The following MACROD2 variants were observed in gnomAD, a reference collection of about 807,000 sequenced individuals.
MACROD2 encodes mono-ADP ribosylhydrolase 2, also known as ADP-ribose glycohydrolase MACROD2.
Under a neutral mutation model 70.4 loss-of-function variants are expected in MACROD2, and 36 were observed. The observed-to-expected ratio is 0.51, with a 90% CI of 0.39 to 0.68. The LOEUF (loss-of-function observed/expected upper bound fraction) is 0.68. MACROD2 is among the 30% of genes least tolerant of loss of function. The probability of loss-of-function intolerance (pLI) is 0.00; values close to 1 mark genes in which losing one functional copy is unlikely to be tolerated. For missense variants in MACROD2, 496 were observed against 538.4 expected (o/e 0.92, Z 0.78); for synonymous variants, 172 against 178.8 (o/e 0.96, Z 0.30).
intron 8 of MACROD2, among the ~76,000 whole-genome samples, chr20:15,676,077 A>G (rs1232041289): frequency 6.6e-6 from 1 of 152,146 alleles, no homozygotes; most frequent in East Asian, 1.9e-4. Context: ...TATTTCCTGT[A>G]CTCACTCATG....
intron 8 of MACROD2, among the ~76,000 whole-genome samples, chr20:15,558,246 C>A (rs1223925510): frequency 6.6e-6 from 1 of 152,174 alleles, no homozygotes; most frequent in Admixed American, 6.5e-5. Flanking sequence ...AGTGGCCATT[C>A]CATTCTGATT....
At chr20:15,442,467 G>A (rs956173587) in intron 7 of MACROD2, among the ~76,000 whole-genome samples, 6 of 152,176 alleles carry the variant, frequency 3.9e-5, no homozygotes, top group East Asian at 1.9e-4. Flanking sequence ...ATGCCTTCCC[G>A]AAGGTATTGG....
chr20:15,343,642 A>C (rs2078133561), intron 6 of MACROD2, among the ~76,000 whole-genome samples: 1 of 152,204 alleles, frequency 6.6e-6, no homozygotes, highest in African/African-American at 2.4e-5. Context: ...TGGGTGTTTC[A>C]TCTCCCAGTT....
At chr20:15,701,197 G>A (rs555567709) in intron 8 of MACROD2, among the ~76,000 whole-genome samples, 3 of 152,282 alleles carry the variant, frequency 2.0e-5, no homozygotes, top group African/African-American at 7.2e-5. Context: ...TGCCACAATG[G>A]CAGAGTTTAG....
Position 14,519,981 on chromosome 20 carries a change from CAT to C in MACROD2, c.301+26474_301+26475del, listed in dbSNP as rs2085146988. ...TGCAGGAACAGAAAACCGAATACCA[CAT>C]GTTTTCACCTATAAGTGGGAGCTAA... On this transcript the variant is annotated intron_variant, in intron 4 of 17. Transcript: ENST00000684519. Among the ~76,000 whole-genome samples, 4 of 152,222 alleles carry C rather than the reference CAT, an allele frequency of 2.6e-5. No homozygotes were observed. The South Asian group carries it at 8.3e-4, about 32-fold the overall frequency.
At chr20:14,269,847 T>A (rs2082175909) in intron 3 of MACROD2, among the ~76,000 whole-genome samples, 3 of 151,984 alleles carry the variant, frequency 2.0e-5, no homozygotes, top group South Asian at 4.1e-4. Context: ...GTTTTTGGAT[T>A]TGTATCTCCC....
At chr20:14,480,990 G>GT (rs2084657300) in intron 3 of MACROD2, among the ~76,000 whole-genome samples, 2 of 152,014 alleles carry the variant, frequency 1.3e-5, no homozygotes, top group African/African-American at 4.8e-5. Flanking sequence ...AAAAATTATG[G>GT]TTTTTTATTT....
rs529878921 is a variant in MACROD2, at chr20:14,913,489, C to T, written c.418+228530C>T. ...ACTTATTGAGGCCAGGAGTTCAAGACCAGCCTGGGCAACATAGCAAGACTC... is the reference window on the plus strand; with the variant it reads ...ACTTATTGAGGCCAGGAGTTCAAGATCAGCCTGGGCAACATAGCAAGACTC... On this transcript the variant is annotated intron_variant, in intron 5 of 17. Coordinates refer to ENST00000684519, the MANE Select transcript of MACROD2 (RefSeq NM_001351661.2). 5.3e-5 allele frequency among the ~76,000 whole-genome samples: 8 copies of T among 152,106 alleles called. No homozygotes were observed. In the East Asian group the frequency reaches 1.6e-3, roughly 30 times the overall value.
At chr20:14,979,696 T>C (rs1453485571) in intron 5 of MACROD2, among the ~76,000 whole-genome samples, 1 of 152,220 alleles carries the variant, frequency 6.6e-6, no homozygotes, top group African/African-American at 2.4e-5. Context: ...GGTCAGCTAG[T>C]TCAATGAGTC....
At chr20:15,588,731 G>A (rs1033497499) in intron 8 of MACROD2, among the ~76,000 whole-genome samples, 11 of 152,012 alleles carry the variant, frequency 7.2e-5, no homozygotes, top group Non-Finnish European at 1.2e-4. Flanking sequence ...CCTTTGCTCC[G>A]GTTCCCAACA....
intron 3 of MACROD2, among the ~76,000 whole-genome samples, chr20:14,196,625 G>C (rs1487015313): frequency 5.9e-5 from 9 of 152,278 alleles, no homozygotes; most frequent in African/African-American, 1.9e-4. Context: ...GGAGAGTGTA[G>C]AATATCTTGG....
chr20:14,561,508 G>T (rs892878448), intron 4 of MACROD2, among the ~76,000 whole-genome samples: 1 of 151,768 alleles, frequency 6.6e-6, no homozygotes, highest in Non-Finnish European at 1.5e-5. Context: ...TAGGTGCAGG[G>T]TATACAAATG....
intron 5 of MACROD2, among the ~76,000 whole-genome samples, chr20:14,810,275 C>G (rs1600686471): frequency 6.6e-6 from 1 of 152,098 alleles, no homozygotes; most frequent in South Asian, 2.1e-4. Context: ...GGATGCAAGG[C>G]TGGTTCAACA....
intron 8 of MACROD2, among the ~76,000 whole-genome samples, chr20:15,582,501 T>G (rs891070223): frequency 6.6e-6 from 1 of 152,196 alleles, no homozygotes; most frequent in Admixed American, 6.5e-5. Context: ...TGCTTGTTTC[T>G]AAAAATGCAG....
At chr20:14,577,836 A>AGAGAAGAGAAGAGAAGAGAAGAG (rs1568680705) in intron 4 of MACROD2, among the ~76,000 whole-genome samples, 23 of 151,788 alleles carry the variant, frequency 1.5e-4, no homozygotes, top group South Asian at 6.3e-4. Context: ...AGAGAAGAGA[A>AGAGAAGAGAAGAGAAGAGAAGAG]AACAACTATG....
At chr20:15,783,630 G>C (rs1295089118) in intron 8 of MACROD2, among the ~76,000 whole-genome samples, 2 of 152,058 alleles carry the variant, frequency 1.3e-5, no homozygotes, top group Non-Finnish European at 2.9e-5. Flanking sequence ...GACACTTTTA[G>C]GATAAAGATA....
intron 8 of MACROD2, among the ~76,000 whole-genome samples, chr20:15,685,470 G>A (rs971394130): frequency 6.6e-6 from 1 of 152,232 alleles, no homozygotes; most frequent in African/African-American, 2.4e-5. Flanking sequence ...GCTTTAGAAG[G>A]TTCAGAGGAG....
intron 12 of MACROD2, among the ~76,000 whole-genome samples, chr20:15,950,677 G>T (rs927597386): frequency 2.0e-5 from 3 of 152,262 alleles, no homozygotes; most frequent in Non-Finnish European, 4.4e-5. Flanking sequence ...ACACGGTGGG[G>T]CTCTTGCTCA....
intron 4 of MACROD2, among the ~76,000 whole-genome samples, chr20:14,537,862 G>A (rs952215359): frequency 1.8e-4 from 27 of 152,094 alleles, no homozygotes; most frequent in African/African-American, 6.3e-4. Flanking sequence ...GTCTTCCTCA[G>A]GATACAGATG....
Sources: allele counts gnomAD v4.1 joint callset (sites outside exome capture counted in the v4.1 genomes callset), GRCh38; gene constraint gnomAD v4.1.1; transcripts MANE v1.5; gene names NCBI Gene and HGNC (gene_info 2026-07-23, HGNC 2026-07-21).